Variants in ADARB2 observed in about 807,000 individuals in gnomAD.
ADARB2 encodes inactive double-stranded RNA-specific editase B2.
A neutral mutation model predicts 62.2 loss-of-function variants in ADARB2; 25 were observed. That is an observed-to-expected ratio of 0.40 (90% CI 0.29 to 0.56). ADARB2 has a LOEUF of 0.56. Ranked by LOEUF, ADARB2 falls within the 20% of genes least tolerant of loss-of-function variation. The pLI is 0.43. For synonymous variants in ADARB2, 572 were observed against 500.8 expected (o/e 1.14, Z -1.90); for missense variants, 1,071 against 1,077.4 (o/e 0.99, Z 0.08).
rs377580624 is a variant in ADARB2, at chr10:1,505,389, T to G, written c.101-126229A>C. Among the ~76,000 whole-genome samples the G allele has an allele frequency of 1.4e-4, 21 of 152,062 alleles. 2 individuals carry two copies. The highest frequency in any genetic ancestry group is 4.6e-4 in the African/African-American group (19 of 41,530). On this transcript the variant is annotated intron_variant, in intron 1 of 9. Transcript: ENST00000381312. ...AGGGATCGGAGGGTTTTTGTTTTTT[T>G]TTTTTTTGCAACAAATAACTCAGAT...
intron 1 of ADARB2, among the ~76,000 whole-genome samples, chr10:1,732,913 A>C (rs1333402609): frequency 6.6e-6 from 1 of 152,216 alleles, no homozygotes; most frequent in African/African-American, 2.4e-5. Context: ...AACATTCAGC[A>C]ACCTGCCCGT....
rs182180486 is a variant in ADARB2, at chr10:1,618,226, T to A, written c.100+118825A>T. Among the ~76,000 whole-genome samples the A allele has an allele frequency of 2.2e-4, 33 of 152,360 alleles. 1 individual carries two copies. Among genetic ancestry groups the A allele is most frequent in the African/African-American group, 5.8e-4 (24 of 41,578 alleles). On this transcript the variant is annotated intron_variant, in intron 1 of 9. Coordinates refer to ENST00000381312, the MANE Select transcript of ADARB2 (RefSeq NM_018702.4). Reference sequence around the variant, plus strand: ...GAGCAGGCTTGTTTATGAACTTTTCTTATTTAAGATCCTATAAGTCCAGCT... The same window carrying A: ...GAGCAGGCTTGTTTATGAACTTTTCATATTTAAGATCCTATAAGTCCAGCT...
At chr10:1,507,928 G>C (rs544697790) in intron 1 of ADARB2, among the ~76,000 whole-genome samples, 2 of 152,232 alleles carry the variant, frequency 1.3e-5, no homozygotes, top group Admixed American at 1.3e-4. Context: ...CTGGCCTCTG[G>C]GTCCTTCAGA....
At chr10:1,515,754 C>G (rs1414941513) in intron 1 of ADARB2, among the ~76,000 whole-genome samples, 1 of 152,216 alleles carries the variant, frequency 6.6e-6, no homozygotes, top group Non-Finnish European at 1.5e-5. Flanking sequence ...TTCTTCCAGG[C>G]CCGGAAGGTG....
intron 3 of ADARB2, among the ~76,000 whole-genome samples, chr10:1,311,355 T>A (rs1008445012): frequency 6.6e-6 from 1 of 152,162 alleles, no homozygotes; most frequent in African/African-American, 2.4e-5. Context: ...CAAAAGGCTT[T>A]CCAGGAGCAG....
intron 4 of ADARB2, among the ~76,000 whole-genome samples, chr10:1,265,544 G>T (rs972681474): frequency 2.8e-5 from 4 of 144,068 alleles, no homozygotes; most frequent in African/African-American, 1.0e-4. Context: ...CGCCCTGAGC[G>T]GGGGCCCAGG....
At chr10:1,409,030 A>G (rs1395280647) in intron 1 of ADARB2, among the ~76,000 whole-genome samples, 1 of 152,144 alleles carries the variant, frequency 6.6e-6, no homozygotes, top group Non-Finnish European at 1.5e-5. Flanking sequence ...CTCTCTGGGG[A>G]GACCTAATGA....
intron 3 of ADARB2, among the ~76,000 whole-genome samples, chr10:1,318,397 T>TGA (rs1363142727): frequency 2.0e-5 from 3 of 151,818 alleles, no homozygotes; most frequent in Non-Finnish European, 4.4e-5. Flanking sequence ...CATGCAGGAG[T>TGA]GAGAGAGATC....
chr10:1,600,097 G>T (rs1373107256), intron 1 of ADARB2, among the ~76,000 whole-genome samples: 1 of 152,058 alleles, frequency 6.6e-6, no homozygotes, highest in Admixed American at 6.6e-5. Context: ...AAGTCATGAG[G>T]ACTCCACGTG....
intron 3 of ADARB2, among the ~76,000 whole-genome samples, chr10:1,308,769 G>C (rs969677667): frequency 1.3e-5 from 2 of 152,166 alleles, no homozygotes; most frequent in African/African-American, 4.8e-5. Context: ...TGGGTGATTA[G>C]CAGGTCAGGG....
At chr10:1,660,962 AC>A (rs759903187) in intron 1 of ADARB2, among the ~76,000 whole-genome samples, 19 of 151,252 alleles carry the variant, frequency 1.3e-4, no homozygotes, top group African/African-American at 4.4e-4. Flanking sequence ...CCTGAGATAA[AC>A]CCCCCCTCTG....
Position 1,478,430 on chromosome 10 carries a change from C to A in ADARB2, c.101-99270G>T, listed in dbSNP as rs188356031. Among the ~76,000 whole-genome samples, 156 of 152,294 alleles carry A rather than the reference C, an allele frequency of 1.0e-3. 1 individual carries two copies. Among genetic ancestry groups the A allele is most frequent in the Non-Finnish European group, 4.9e-4 (33 of 68,022 alleles). On this transcript the variant is annotated intron_variant, in intron 1 of 9. Coordinates refer to ENST00000381312, the MANE Select transcript of ADARB2 (RefSeq NM_018702.4). ...GTATCTCCGTTTAAGTAACTTAGTACCCTGGGTCCAACTCTTAAATTTGTT... is the reference window on the plus strand; with the variant it reads ...GTATCTCCGTTTAAGTAACTTAGTAACCTGGGTCCAACTCTTAAATTTGTT...
chr10:1,697,628 A>G lies in ADARB2; in HGVS notation c.100+39423T>C, dbSNP rs149601940. Among the ~76,000 whole-genome samples, 326 of 152,334 alleles carry G rather than the reference A, an allele frequency of 2.1e-3. 2 individuals are homozygous for G. Among genetic ancestry groups the G allele is most frequent in the African/African-American group, 7.5e-3 (311 of 41,582 alleles). On this transcript the variant is annotated intron_variant, in intron 1 of 9. Coordinates refer to ENST00000381312, the MANE Select transcript of ADARB2 (RefSeq NM_018702.4). ...GAGAAATTGGCTGCTTTGTGTGTCC[A>G]TCCTGAACCCCAGACAAGGGTGGGT... is the stretch of plus-strand genomic sequence containing the variant.
At chr10:1,220,367 ATGATGGTGATGG>A (rs1258290205) in intron 6 of ADARB2, among the ~76,000 whole-genome samples, 2 of 129,988 alleles carry the variant, frequency 1.5e-5, no homozygotes, top group African/African-American at 2.8e-5. Context: ...GATGGTGATG[ATGATGGTGATGG>A]TGGTGGTGAT....
chr10:1,324,093 C>T (rs1026290586), intron 3 of ADARB2, among the ~76,000 whole-genome samples: 2 of 152,164 alleles, frequency 1.3e-5, no homozygotes, highest in African/African-American at 4.8e-5. Flanking sequence ...GCAAAAGACA[C>T]AAAGACTTTT....
In ADARB2 at chr10:1,363,739, C is replaced by T; in HGVS notation, c.366G>A (p.Trp122Ter). 1 of 1,609,130 alleles carries T rather than the reference C, an allele frequency of 6.2e-7. No individual in the cohort carries two copies. Reference protein sequence around the residue: ...KLQLVWKKLSWSVAPKNALVQ... With the variant: ...KLQLVWKKLS ...CCAGCGCGTTCTTGGGCGCCACCGA[C>T]CACGACAGCTTCTTCCAGACCAGCT... Residue 122 changes from tryptophan to a stop codon, truncating the protein, a stop_gained, in exon 3 of 10, where the codon TGG (tryptophan) becomes TGA (stop). Transcript: ENST00000381312. LOFTEE classifies it high-confidence loss of function.
At chr10:1,619,019 A>G (rs1875004) in intron 1 of ADARB2, among the ~76,000 whole-genome samples, 20,823 of 152,246 alleles carry the variant, frequency 0.14, 1,682 homozygotes, top group South Asian at 0.3. Flanking sequence ...CCTGGCTTGG[A>G]GGAATGAATG....
At chr10:1,211,669 T>C (rs895713444) in intron 7 of ADARB2, among the ~76,000 whole-genome samples, 2 of 152,210 alleles carry the variant, frequency 1.3e-5, no homozygotes, top group African/African-American at 2.4e-5. Flanking sequence ...CCAATTTCCA[T>C]GGTGTAAGCA....
chr10:1,588,687 A>G (rs2132006027), intron 1 of ADARB2, among the ~76,000 whole-genome samples: 1 of 152,332 alleles, frequency 6.6e-6, no homozygotes, highest in South Asian at 2.1e-4. Flanking sequence ...GTCAGGGAAC[A>G]AAGGCAGGAA....
Sources: allele counts gnomAD v4.1 joint callset (sites outside exome capture counted in the v4.1 genomes callset), GRCh38; gene constraint gnomAD v4.1.1; transcripts MANE v1.5; gene names NCBI Gene and HGNC (gene_info 2026-07-23, HGNC 2026-07-21).